The following LUZP2 variants were observed in gnomAD, a reference collection of about 807,000 sequenced individuals.
LUZP2 encodes leucine zipper protein 2.
A neutral mutation model predicts 51.6 loss-of-function variants in LUZP2; 52 were observed. That is an observed-to-expected ratio of 1.01 (90% CI 0.81 to 1.27). The LOEUF (loss-of-function observed/expected upper bound fraction) is 1.27. Among genes scored for constraint, LUZP2 ranks in the 50% most tolerant of loss-of-function variants. LUZP2 has a pLI of 0.00. For synonymous variants in LUZP2, 154 were observed against 137.3 expected (o/e 1.12, Z -0.85); for missense variants, 436 against 395.4 (o/e 1.10, Z -0.87).
chr11:24,561,414 A>G (rs1197846771), intron 1 of LUZP2, among the ~76,000 whole-genome samples: 2 of 152,102 alleles, frequency 1.3e-5, no homozygotes, highest in African/African-American at 2.4e-5. Context: ...CTCATTTCAC[A>G]TATAAGAAAA....
chr11:24,743,724 A>G (rs1023511612), intron 4 of LUZP2, among the ~76,000 whole-genome samples: 3 of 152,132 alleles, frequency 2.0e-5, no homozygotes, highest in Non-Finnish European at 2.9e-5. Context: ...TTCCAACACT[A>G]TGTTGAAGAG....
intron 10 of LUZP2, among the ~76,000 whole-genome samples, chr11:25,062,538 T>C (rs891188103): frequency 3.8e-5 from 5 of 132,420 alleles, no homozygotes; most frequent in Admixed American, 3.6e-4. Context: ...TACAGTGAGC[T>C]ATCATCACGC....
At chr11:24,573,498 TG>T (rs35203029) in intron 1 of LUZP2, among the ~76,000 whole-genome samples, 87,938 of 151,696 alleles carry the variant, frequency 0.58, 26,177 homozygotes, top group East Asian at 0.8. Context: ...ATACTGCAAA[TG>T]GGTCCTCAGC....
chr11:24,696,155 G>A (rs753840981), intron 1 of LUZP2, among the ~76,000 whole-genome samples: 4 of 152,004 alleles, frequency 2.6e-5, no homozygotes, highest in Admixed American at 6.6e-5. Flanking sequence ...TATTTAAATA[G>A]GCCAGTGTCT....
At chr11:24,775,347 G>T (rs1018519269) in intron 5 of LUZP2, among the ~76,000 whole-genome samples, 7 of 150,044 alleles carry the variant, frequency 4.7e-5, no homozygotes, top group Non-Finnish European at 1.0e-4. Context: ...CCAATTTCAG[G>T]CCAGCTTACT....
chr11:24,556,339 T>C (rs1851868953), intron 1 of LUZP2, among the ~76,000 whole-genome samples: 1 of 152,172 alleles, frequency 6.6e-6, no homozygotes, highest in Admixed American at 6.6e-5. Flanking sequence ...TAAAACTGTG[T>C]CATAAAGGAT....
intron 6 of LUZP2, among the ~76,000 whole-genome samples, chr11:24,907,837 A>G (rs1268489222): frequency 6.6e-6 from 1 of 152,192 alleles, no homozygotes; most frequent in Non-Finnish European, 1.5e-5. Context: ...GCCTTTGAGA[A>G]TATATTATCC....
chr11:24,836,741 G>A (rs1297054322), intron 5 of LUZP2, among the ~76,000 whole-genome samples: 1 of 151,710 alleles, frequency 6.6e-6, no homozygotes, highest in African/African-American at 2.4e-5. Context: ...AATGATTGAG[G>A]GAGACTAAAT....
intron 5 of LUZP2, among the ~76,000 whole-genome samples, chr11:24,814,073 A>G (rs1276150865): frequency 6.6e-6 from 1 of 152,188 alleles, no homozygotes; most frequent in African/African-American, 2.4e-5. Context: ...ATATTTGCCC[A>G]TTTCCAATTC....
chr11:24,835,564 C>T (rs936828937), intron 5 of LUZP2, among the ~76,000 whole-genome samples: 3 of 151,966 alleles, frequency 2.0e-5, no homozygotes, highest in Non-Finnish European at 4.4e-5. Context: ...AGTATACTTT[C>T]ATAATCTAAT....
chr11:24,951,067 C>G (rs1202938549), intron 7 of LUZP2, among the ~76,000 whole-genome samples: 1 of 151,472 alleles, frequency 6.6e-6, no homozygotes, highest in Non-Finnish European at 1.5e-5. Flanking sequence ...TTTTAGTTTA[C>G]TCTCATTTGG....
At chr11:24,688,060 C>T (rs76373444) in intron 1 of LUZP2, among the ~76,000 whole-genome samples, 4,011 of 151,934 alleles carry the variant, frequency 0.026, 166 homozygotes, top group African/African-American at 0.091. Flanking sequence ...TGTCATTCTC[C>T]CCTTGAGCTA....
At chr11:24,701,440 G>C (rs1857418760) in intron 1 of LUZP2, 1 of 166,994 alleles carries the variant, frequency 6.0e-6, no homozygotes, top group Non-Finnish European at 1.5e-5. Context: ...AGGAGAAAAG[G>C]GGAAGAGCAA....
chr11:24,998,774 C>T (rs572305720), intron 9 of LUZP2, among the ~76,000 whole-genome samples: 229 of 152,230 alleles, frequency 1.5e-3, no homozygotes, highest in Middle Eastern at 6.8e-3. Context: ...AGAATTGCTT[C>T]CAGGCATAAA....
At chr11:24,502,127 C>G (rs536012330) in intron 1 of LUZP2, among the ~76,000 whole-genome samples, 1 of 139,896 alleles carries the variant, frequency 7.1e-6, no homozygotes, top group Non-Finnish European at 1.5e-5. Flanking sequence ...TTAGCATATT[C>G]CCTAAGTACT....
chr11:24,848,617 C>G (rs900024941), intron 5 of LUZP2, among the ~76,000 whole-genome samples: 10 of 152,144 alleles, frequency 6.6e-5, no homozygotes, highest in Non-Finnish European at 1.5e-4. Context: ...ATCACAGCCT[C>G]TGCATCTTTG....
intron 1 of LUZP2, among the ~76,000 whole-genome samples, chr11:24,532,891 A>G (rs1851054528): frequency 6.6e-6 from 1 of 151,184 alleles, no homozygotes; most frequent in South Asian, 2.1e-4. Flanking sequence ...TCAAGAAATA[A>G]CATCAGACAA....
intron 1 of LUZP2, among the ~76,000 whole-genome samples, chr11:24,577,351 T>C (rs1241798571): frequency 1.3e-5 from 2 of 152,122 alleles, no homozygotes; most frequent in East Asian, 1.9e-4. Flanking sequence ...ATATGTTAAT[T>C]TGGGGTTTTT....
At chr11:24,805,917 T>A (rs1455151079) in intron 5 of LUZP2, among the ~76,000 whole-genome samples, 3 of 152,140 alleles carry the variant, frequency 2.0e-5, no homozygotes, top group Non-Finnish European at 2.9e-5. Context: ...TGGAGGCTTA[T>A]TGCAGGGGTT....
Sources: allele counts gnomAD v4.1 joint callset (sites outside exome capture counted in the v4.1 genomes callset), GRCh38; gene constraint gnomAD v4.1.1; transcripts MANE v1.5; gene names NCBI Gene and HGNC (gene_info 2026-07-23, HGNC 2026-07-21).